ZNF644: variants seen among roughly 807,000 people sequenced by gnomAD.
ZNF644 encodes zinc finger protein 644.
Under a neutral mutation model 108.0 loss-of-function variants are expected in ZNF644, and 20 were observed. The ratio of observed to expected loss-of-function variants is 0.19; its 90% CI spans 0.13 to 0.27. ZNF644 has a LOEUF of 0.27. ZNF644 is among the 10% of genes least tolerant of loss of function. The pLI, the probability that ZNF644 is intolerant of heterozygous loss-of-function variation, is 1.00. For synonymous variants in ZNF644, 542 were observed against 539.1 expected, an observed-to-expected ratio of 1.01 and a Z score of -0.08; for missense variants, 1,338 against 1,548.9, an observed-to-expected ratio of 0.86 and a Z score of 2.29.
chr1:91,009,828 T>C (rs1352508945), intron 1 of ZNF644, among the ~76,000 whole-genome samples: 1 of 152,222 alleles, frequency 6.6e-6, no homozygotes. Context: ...GTAAGTCATA[T>C]GCAAACTCTA....
intron 2 of ZNF644, among the ~76,000 whole-genome samples, chr1:90,944,090 T>C (rs1221592391): frequency 1.3e-5 from 2 of 152,230 alleles, no homozygotes; most frequent in Non-Finnish European, 2.9e-5. Context: ...AAATTCAGTG[T>C]TAATGAGTGG....
chr1:91,008,108 G>A (rs1659618815), intron 1 of ZNF644, among the ~76,000 whole-genome samples: 1 of 152,154 alleles, frequency 6.6e-6, no homozygotes, highest in Admixed American at 6.5e-5. Context: ...AAGAGACTGG[G>A]AATAACTCTC....
At chr1:90,981,680 C>T (rs941565951) in intron 2 of ZNF644, among the ~76,000 whole-genome samples, 11 of 151,988 alleles carry the variant, frequency 7.2e-5, no homozygotes, top group African/African-American at 2.7e-4. Flanking sequence ...AGCATTCTTT[C>T]ACATACCAAA....
At chr1:90,983,291 G>T (rs371091696) in intron 1 of ZNF644, among the ~76,000 whole-genome samples, 6 of 152,002 alleles carry the variant, frequency 3.9e-5, no homozygotes, top group African/African-American at 1.4e-4. Flanking sequence ...TATTTTCTCT[G>T]CCACCCAATG....
At chr1:90,919,339 CTAAG>C (rs926070383) in intron 4 of ZNF644, among the ~76,000 whole-genome samples, 2 of 152,012 alleles carry the variant, frequency 1.3e-5, no homozygotes, top group African/African-American at 4.8e-5. Context: ...TGGAAAAATT[CTAAG>C]TAAGAGAGAA....
In ZNF644 at chr1:90,915,847, G is replaced by A. The variant is rs1478503706; in HGVS notation, c.*951C>T. ...TTTGGAAGATAATATAAATGAGAACGTCTATTCTAAACTGTGTAGTGAGCA... is the reference window on the plus strand; with the variant it reads ...TTTGGAAGATAATATAAATGAGAACATCTATTCTAAACTGTGTAGTGAGCA... On this transcript the variant is annotated 3_prime_UTR_variant, in exon 6 of 6. Coordinates refer to ENST00000337393, the MANE Select transcript of ZNF644 (RefSeq NM_201269.3). 3 of 152,590 alleles carry A rather than the reference G, an allele frequency of 2.0e-5. No homozygotes were observed. Among genetic ancestry groups the A allele is most frequent in the Admixed American group, 6.5e-5 (1 of 15,278 alleles). 9.5% of individuals were successfully genotyped at this position (152,590 alleles called of 1,614,324 possible).
intron 1 of ZNF644, among the ~76,000 whole-genome samples, chr1:90,999,668 C>A (rs562748595): frequency 2.0e-5 from 3 of 152,222 alleles, no homozygotes; most frequent in Non-Finnish European, 2.9e-5. Flanking sequence ...TAATGACAGG[C>A]TCAAACTCGC....
chr1:90,996,820 T>C (rs1192591475), intron 1 of ZNF644, among the ~76,000 whole-genome samples: 1 of 152,134 alleles, frequency 6.6e-6, no homozygotes, highest in Non-Finnish European at 1.5e-5. Context: ...TGGCAGGCAC[T>C]AGGAAAGACA....
At chr1:90,927,024 A>C (rs1238239372) in intron 4 of ZNF644, among the ~76,000 whole-genome samples, 1 of 152,088 alleles carries the variant, frequency 6.6e-6, no homozygotes, top group East Asian at 1.9e-4. Context: ...TATTTCCTAT[A>C]AACTTCCCAC....
At chr1:90,968,686 T>G (rs1357162945) in intron 2 of ZNF644, among the ~76,000 whole-genome samples, 1 of 152,186 alleles carries the variant, frequency 6.6e-6, no homozygotes, top group African/African-American at 2.4e-5. Flanking sequence ...TTGAATAAAT[T>G]TTTTAAATAA....
At chr1:90,925,973 A>T (rs760996949) in intron 4 of ZNF644, among the ~76,000 whole-genome samples, 1 of 152,140 alleles carries the variant, frequency 6.6e-6, no homozygotes, top group Non-Finnish European at 1.5e-5. Context: ...CAGGAGGTAA[A>T]GCAAGTCTCG....
At chr1:91,013,293 C>T (rs899878081) in intron 1 of ZNF644, among the ~76,000 whole-genome samples, 1 of 152,084 alleles carries the variant, frequency 6.6e-6, no homozygotes, top group African/African-American at 2.4e-5. Context: ...CCAAGCTGGT[C>T]TCAAACTCCT....
intron 1 of ZNF644, 101 bp downstream of exon 1, chr1:91,021,889 C>T (rs1041580137): frequency 1.5e-5 from 6 of 398,808 alleles, no homozygotes; most frequent in African/African-American, 1.0e-4. Context: ...CCGGGTCCCC[C>T]AAGTTCTTCC....
intron 4 of ZNF644, among the ~76,000 whole-genome samples, chr1:90,930,754 A>G (rs1452186878): frequency 3.9e-5 from 6 of 152,246 alleles, no homozygotes; most frequent in African/African-American, 1.4e-4. Context: ...GATATAAAAT[A>G]AAGTCTCAAT....
intron 2 of ZNF644, among the ~76,000 whole-genome samples, chr1:90,945,880 G>A (rs1414687597): frequency 6.6e-6 from 1 of 151,996 alleles, no homozygotes; most frequent in Non-Finnish European, 1.5e-5. Context: ...ATAATTTCAT[G>A]CAAAATATAG....
intron 4 of ZNF644, among the ~76,000 whole-genome samples, chr1:90,930,539 C>G (rs1423336114): frequency 6.6e-6 from 1 of 152,006 alleles, no homozygotes; most frequent in Non-Finnish European, 1.5e-5. Flanking sequence ...AGTACCAACC[C>G]CTAAGAGAAA....
intron 1 of ZNF644, among the ~76,000 whole-genome samples, chr1:90,995,793 T>C (rs1474419599): frequency 6.6e-6 from 1 of 152,138 alleles, no homozygotes; most frequent in South Asian, 2.1e-4. Context: ...AAAAATTGGG[T>C]TTGTGGCCAG....
intron 2 of ZNF644, among the ~76,000 whole-genome samples, chr1:90,948,982 G>A (rs985843367): frequency 6.6e-6 from 1 of 151,892 alleles, no homozygotes; most frequent in Non-Finnish European, 1.5e-5. Flanking sequence ...CTCATATTTA[G>A]AAAATATAAA....
At chr1:90,951,278 CCT>C (rs754044267) in intron 2 of ZNF644, among the ~76,000 whole-genome samples, 2 of 152,080 alleles carry the variant, frequency 1.3e-5, no homozygotes, top group East Asian at 1.9e-4. Context: ...AAAATGACTC[CCT>C]GTTTTTCTCA....
Sources: allele counts gnomAD v4.1 joint callset (sites outside exome capture counted in the v4.1 genomes callset), GRCh38; gene constraint gnomAD v4.1.1; transcripts MANE v1.5; gene names NCBI Gene and HGNC (gene_info 2026-07-23, HGNC 2026-07-21).